The following SLC9A9 variants were observed in gnomAD, a reference collection of about 807,000 sequenced individuals.
SLC9A9 encodes sodium/hydrogen exchanger 9.
Under a neutral mutation model 77.8 loss-of-function variants are expected in SLC9A9, and 62 were observed. The observed-to-expected ratio is 0.80, with a 90% CI of 0.65 to 0.98. SLC9A9 has a LOEUF of 0.98. SLC9A9 is among the 50% of genes least tolerant of loss of function. The pLI is 0.00. For synonymous variants in SLC9A9, 320 were observed against 283.5 expected (o/e 1.13, Z -1.29); for missense variants, 775 against 774.9 (o/e 1.00, Z 0.00).
At chr3:143,637,683 GTT>G (rs1260059086) in intron 6 of SLC9A9, among the ~76,000 whole-genome samples, 1 of 152,026 alleles carries the variant, frequency 6.6e-6, no homozygotes, top group Non-Finnish European at 1.5e-5. Context: ...ATCTCAACAG[GTT>G]TTTATTTTTT....
chr3:143,609,581 T>C (rs2037985345), intron 6 of SLC9A9, among the ~76,000 whole-genome samples: 1 of 152,138 alleles, frequency 6.6e-6, no homozygotes, highest in South Asian at 2.1e-4. Context: ...GTGGAAGACT[T>C]TTCCTCCCTC....
chr3:143,711,579 ATTT>A (rs35110625), intron 4 of SLC9A9, among the ~76,000 whole-genome samples: 11 of 134,140 alleles, frequency 8.2e-5, no homozygotes, highest in African/African-American at 2.9e-4. Context: ...TAAAAAAAAA[ATTT>A]TTTTTTTTTT....
chr3:143,650,562 G>A (rs943334151), intron 6 of SLC9A9, among the ~76,000 whole-genome samples: 1 of 152,098 alleles, frequency 6.6e-6, no homozygotes, highest in African/African-American at 2.4e-5. Context: ...GGAAAGAGCT[G>A]GTATTTGAAT....
intron 9 of SLC9A9, among the ~76,000 whole-genome samples, chr3:143,550,218 T>C (rs150599222): frequency 1.3e-5 from 2 of 152,296 alleles, no homozygotes; most frequent in Non-Finnish European, 2.9e-5. Flanking sequence ...TCTGGTCAAT[T>C]ACAGGTTTTG....
intron 8 of SLC9A9, among the ~76,000 whole-genome samples, chr3:143,564,802 T>G (rs148367723): frequency 6.6e-6 from 1 of 152,194 alleles, no homozygotes; most frequent in Admixed American, 6.6e-5. Context: ...TATATAGATA[T>G]GCACTTAAGT....
intron 2 of SLC9A9, among the ~76,000 whole-genome samples, chr3:143,809,465 T>C (rs1287269962): frequency 6.6e-6 from 1 of 152,212 alleles, no homozygotes; most frequent in African/African-American, 2.4e-5. Flanking sequence ...TGGGAGTAAC[T>C]CCAAACCCAG....
At chr3:143,431,303 T>C (rs1193101292) in intron 12 of SLC9A9, among the ~76,000 whole-genome samples, 5 of 152,190 alleles carry the variant, frequency 3.3e-5, no homozygotes, top group African/African-American at 4.8e-5. Flanking sequence ...CTATAGCACA[T>C]AGAACCATGA....
intron 6 of SLC9A9, among the ~76,000 whole-genome samples, chr3:143,604,476 A>G (rs1442022029): frequency 6.6e-6 from 1 of 152,208 alleles, no homozygotes; most frequent in Non-Finnish European, 1.5e-5. Flanking sequence ...AGTGCTAGTG[A>G]GAGAAGATGA....
At chr3:143,321,106 T>G (rs1025944173) in intron 14 of SLC9A9, among the ~76,000 whole-genome samples, 6 of 152,176 alleles carry the variant, frequency 3.9e-5, no homozygotes, top group African/African-American at 1.4e-4. Context: ...CATCTAGCCT[T>G]TAGAACTGTG....
At chr3:143,838,551 T>C (rs2009630644) in intron 1 of SLC9A9, among the ~76,000 whole-genome samples, 1 of 151,886 alleles carries the variant, frequency 6.6e-6, no homozygotes, top group African/African-American at 2.4e-5. Flanking sequence ...GAAAAGAGAA[T>C]TGAGGGACAG....
chr3:143,568,014 T>G (rs1248617074), intron 8 of SLC9A9, among the ~76,000 whole-genome samples: 1 of 152,152 alleles, frequency 6.6e-6, no homozygotes, highest in Non-Finnish European at 1.5e-5. Flanking sequence ...ATTCCTTCCT[T>G]TGTACCATTT....
At chr3:143,273,685 C>G (rs1937961677) in intron 14 of SLC9A9, among the ~76,000 whole-genome samples, 1 of 152,178 alleles carries the variant, frequency 6.6e-6, no homozygotes, top group African/African-American at 2.4e-5. Flanking sequence ...GAGCTGTGTT[C>G]TATTTTTCTC....
chr3:143,531,414 C>T (rs1371923), intron 9 of SLC9A9, among the ~76,000 whole-genome samples: 75,614 of 151,980 alleles, frequency 0.5, 18,873 homozygotes, highest in Admixed American at 0.51. Context: ...TCTTTGGAGA[C>T]AGAGATTCAC....
intron 2 of SLC9A9, among the ~76,000 whole-genome samples, chr3:143,798,841 C>T (rs570207324): frequency 1.9e-4 from 29 of 152,224 alleles, no homozygotes; most frequent in African/African-American, 5.1e-4. Flanking sequence ...TCCCGCCTGT[C>T]CCCTCAGTTC....
At chr3:143,343,953 A>G (rs2032185825) in intron 14 of SLC9A9, among the ~76,000 whole-genome samples, 1 of 152,212 alleles carries the variant, frequency 6.6e-6, no homozygotes, top group African/African-American at 2.4e-5. Context: ...AACTCCCAGA[A>G]TAATTATGAT....
intron 2 of SLC9A9, among the ~76,000 whole-genome samples, chr3:143,800,896 A>G (rs1159282008): frequency 6.6e-6 from 1 of 152,184 alleles, no homozygotes; most frequent in East Asian, 1.9e-4. Context: ...ATAATTCTTC[A>G]TAAAAACACA....
intron 6 of SLC9A9, among the ~76,000 whole-genome samples, chr3:143,640,902 C>T (rs114609094): frequency 1.7e-3 from 266 of 152,164 alleles, no homozygotes; most frequent in African/African-American, 6.2e-3. Flanking sequence ...GAAAAATCAT[C>T]TCAAAGTCAT....
At chr3:143,622,713 A>G (rs539950044) in intron 6 of SLC9A9, among the ~76,000 whole-genome samples, 8 of 152,332 alleles carry the variant, frequency 5.3e-5, no homozygotes, top group African/African-American at 1.9e-4. Flanking sequence ...TCAACTAACA[A>G]GCAAAATAAC....
intron 9 of SLC9A9, among the ~76,000 whole-genome samples, chr3:143,541,269 A>G (rs1275266308): frequency 6.6e-6 from 1 of 152,164 alleles, no homozygotes; most frequent in Non-Finnish European, 1.5e-5. Flanking sequence ...AAGCTTTCAC[A>G]TCACGAGGAC....
Sources: gnomAD v4.1 joint callset for allele counts (sites outside exome capture counted in the v4.1 genomes callset) on GRCh38, gnomAD v4.1.1 for gene constraint, MANE v1.5 for transcripts, NCBI Gene and HGNC (gene_info 2026-07-23, HGNC 2026-07-21) for gene names.